Variants in SUSD5 observed in about 807,000 individuals in gnomAD.
The protein encoded by SUSD5 is sushi domain-containing protein 5.
In SUSD5, 33 loss-of-function variants were observed where a neutral mutation model predicts 29.5. The observed-to-expected ratio is 1.12, with a 90% confidence interval of 0.85 to 1.49. The LOEUF is 1.49. Among genes scored for constraint, SUSD5 ranks in the 40% most tolerant of loss-of-function variants. The pLI is 0.00. For synonymous variants in SUSD5, 308 were observed against 325.3 expected (o/e 0.95, Z 0.57); for missense variants, 776 against 800.6 (o/e 0.97, Z 0.37).
intron 2 of SUSD5, among the ~76,000 whole-genome samples, chr3:33,211,809 C>G (rs932485567): frequency 6.6e-6 from 1 of 152,112 alleles, no homozygotes; most frequent in African/African-American, 2.4e-5. Flanking sequence ...AAAATATTTT[C>G]CCAGACCAAT....
rs1017246328 is a variant in SUSD5 at position 33,214,164 on chromosome 3, A to T, written c.113-59T>A. The T allele has an allele frequency of 1.7e-5, 26 of 1,502,768 alleles. No individual in the cohort carries two copies. The African/African-American group carries it at 2.8e-4, about 16-fold the overall frequency. The allele number at this position is 1,502,768 out of a possible 1,614,324, so 93.1% of individuals were successfully genotyped here. The stretch of plus-strand genomic sequence containing the variant: ...TCAGGATCCATGGGAAGTTAGTCTC[A>T]GCAAACATCCTCTGGCAGACGCCAG... On this transcript the variant is annotated intron_variant, in intron 1 of 4. Transcript: ENST00000309558.
Position 33,153,321 on chromosome 3 carries a change from A to G in SUSD5, c.1311T>C (p.Leu437=), listed in dbSNP as rs749928010. The change falls in exon 5 of 5, where the codon CTT becomes CTC. Residue 437 remains leucine, a synonymous_variant. Transcript: ENST00000309558. ...PSEGMTHSSV[L]PSQMLDVEAL... ...CTTCCACATCTAGCATTTGAGATGG[A>G]AGAACTGAACTATGGGTCATGCCCT... The G allele has an allele frequency of 6.2e-7, 1 of 1,613,916 alleles. No homozygotes were observed. The highest frequency in any genetic ancestry group is 1.1e-5 in the South Asian group (1 of 91,070).
intron 1 of SUSD5, among the ~76,000 whole-genome samples, 156 bp downstream of exon 1, chr3:33,218,530 G>C (rs1225998483): frequency 6.6e-6 from 1 of 152,202 alleles, no homozygotes. Flanking sequence ...GGCCAGGAGA[G>C]GGATGCTGGG....
chr3:33,207,126 A>G (rs192332180), intron 3 of SUSD5, among the ~76,000 whole-genome samples: 3 of 152,254 alleles, frequency 2.0e-5, no homozygotes, highest in African/African-American at 7.2e-5. Context: ...CACTCAGCTG[A>G]TTTCCCAATA....
intron 3 of SUSD5, among the ~76,000 whole-genome samples, chr3:33,203,955 C>G (rs1486333586): frequency 6.6e-6 from 1 of 152,154 alleles, no homozygotes. Flanking sequence ...CACTCTGTTG[C>G]TCAGGCTGGA....
At chr3:33,159,091 G>A (rs6781998) in intron 4 of SUSD5, among the ~76,000 whole-genome samples, 48,346 of 152,042 alleles carry the variant, frequency 0.32, 9,001 homozygotes, top group East Asian at 0.5. Flanking sequence ...TGTTTGTGCT[G>A]AACTCAGTCA....
At chr3:33,200,515 T>TA (rs60764808) in intron 3 of SUSD5, among the ~76,000 whole-genome samples, 19,064 of 152,178 alleles carry the variant, frequency 0.13, 1,514 homozygotes, top group South Asian at 0.25. Context: ...CCTCCAGCCT[T>TA]AGTGTTTTGG....
chr3:33,174,062 C>G (rs2125620386), intron 4 of SUSD5, among the ~76,000 whole-genome samples: 1 of 152,278 alleles, frequency 6.6e-6, no homozygotes, highest in African/African-American at 2.4e-5. Context: ...GAAATCAGAT[C>G]AGGTTTGGGG....
chr3:33,204,627 A>ATTTTG lies in SUSD5; in HGVS notation c.409+3176_409+3180dup, dbSNP rs72112093. Among the ~76,000 whole-genome samples, 31,523 of 147,698 alleles carry ATTTTG rather than the reference A, an allele frequency of 0.21. 3,717 individuals are homozygous for ATTTTG. Among genetic ancestry groups the ATTTTG allele is most frequent in the East Asian group, 0.42 (2,077 of 4,916 alleles). On this transcript the variant is annotated intron_variant, in intron 3 of 4. Coordinates refer to ENST00000309558, the MANE Select transcript of SUSD5 (RefSeq NM_015551.2). The surrounding 1 kb of genome is among the most constrained non-coding windows in gnomAD (Gnocchi z 4.5). The stretch of plus-strand genomic sequence containing the variant: ...TGAGCCACCACACCCGGCCTGTTTT[A>ATTTTG]TTTTGTTTTGTTTTGTTTTGTTTTG...
chr3:33,159,823 C>T (rs998601315), intron 4 of SUSD5, among the ~76,000 whole-genome samples: 9 of 151,978 alleles, frequency 5.9e-5, no homozygotes, highest in Non-Finnish European at 1.2e-4. Context: ...AGCAACCTCA[C>T]GAAAAGGGAA....
chr3:33,213,905 A>G, intron 2 of SUSD5, 23 bp downstream of exon 2: 1 of 1,569,632 alleles, frequency 6.4e-7, no homozygotes, highest in Non-Finnish European at 8.7e-7. Context: ...GTGAGTTGGA[A>G]AAGGAGTGCT....
intron 3 of SUSD5, among the ~76,000 whole-genome samples, chr3:33,188,285 A>T (rs1237350785): frequency 6.6e-6 from 1 of 152,204 alleles, no homozygotes; most frequent in Non-Finnish European, 1.5e-5. Context: ...TTACTTTGCA[A>T]GACAAAAATG....
Position 33,153,358 on chromosome 3 carries a change from A to T in SUSD5, c.1274T>A (p.Leu425His). 2 of 1,613,836 alleles carry T rather than the reference A, an allele frequency of 1.2e-6. No individual in the cohort carries two copies. The highest frequency in any genetic ancestry group is 1.7e-6 in the Non-Finnish European group (2 of 1,179,824). Residue 425 changes from leucine (L) to histidine (H), a missense_variant, in exon 5 of 5, where the codon CTC becomes CAC. By Grantham distance (99) the Leu-to-His change is moderately conservative. Transcript: ENST00000309558. ...VEVKKPKSST[L>H]TPSEGMTHSS... ...ATGGGTCATGCCCTCGCTTGGTGTG[A>T]GGGTGCTACTCTTGGGCTTCTTAAC...
chr3:33,218,700 GA>G lies in SUSD5; in HGVS notation c.97del (p.Ser33ArgfsTer59). 1 of 1,311,904 alleles carries G rather than the reference GA, an allele frequency of 7.6e-7. No individual in the cohort carries two copies. The highest frequency in any genetic ancestry group is 2.1e-5 in the South Asian group (1 of 48,312). 81.3% of individuals were successfully genotyped at this position (1,311,904 alleles called of 1,614,324 possible). A position where few individuals can be genotyped will look rare whatever the true frequency, so the allele number is the denominator to read the frequency against. ...CGCACACTCACCATCCGCCCGCACC[GA>G]AAGGCGCGGCAGACCGAGCAGGAGC... ...ALLLLGLPRLSVRADGKFFVL... is the reference protein window; with the variant it reads ...ALLLLGLPRLXVRADGKFFVL... On this transcript the variant is annotated frameshift_variant, in exon 1 of 5. Coordinates refer to ENST00000309558, the MANE Select transcript of SUSD5 (RefSeq NM_015551.2). LOFTEE classifies it high-confidence loss of function.
chr3:33,205,003 G>A lies in SUSD5; in HGVS notation c.409+2805C>T, dbSNP rs553036200. On this transcript the variant is annotated intron_variant, in intron 3 of 4. Coordinates refer to ENST00000309558, the MANE Select transcript of SUSD5 (RefSeq NM_015551.2). ...CTCTCTCCACACCACACACACACACGTGTGTGTGTATACATATATATATGA... is the reference window on the plus strand; with the variant it reads ...CTCTCTCCACACCACACACACACACATGTGTGTGTATACATATATATATGA... 1.1e-4 allele frequency among the ~76,000 whole-genome samples: 17 copies of A among 151,536 alleles called. No homozygotes were observed. The East Asian group carries it at 2.7e-3, about 24-fold the overall frequency.
chr3:33,201,114 T>A (rs2032108709), intron 3 of SUSD5, among the ~76,000 whole-genome samples: 1 of 152,224 alleles, frequency 6.6e-6, no homozygotes, highest in South Asian at 2.1e-4. Flanking sequence ...AACAGACTGC[T>A]ACTAAGTGAC....
intron 3 of SUSD5, among the ~76,000 whole-genome samples, chr3:33,178,638 G>A (rs930474271): frequency 1.3e-5 from 2 of 152,126 alleles, no homozygotes; most frequent in African/African-American, 4.8e-5. Context: ...AGTAGAGACA[G>A]GGTTTCACCG....
At chr3:33,210,283 C>A (rs532094745) in intron 2 of SUSD5, among the ~76,000 whole-genome samples, 1 of 152,136 alleles carries the variant, frequency 6.6e-6, no homozygotes, top group Non-Finnish European at 1.5e-5. Context: ...GGAGGGCCTG[C>A]GAACAGTTCA....
At chr3:33,195,723 T>C (rs1466931909) in intron 3 of SUSD5, among the ~76,000 whole-genome samples, 6 of 144,492 alleles carry the variant, frequency 4.2e-5, no homozygotes, top group Admixed American at 1.4e-4. Flanking sequence ...TGGGGAGATA[T>C]AGATCTATAG....
Sources: gnomAD v4.1 joint callset for allele counts (sites outside exome capture counted in the v4.1 genomes callset) on GRCh38, gnomAD v4.1.1 for gene constraint, Gnocchi (gnomAD v3.1) non-coding constraint, MANE v1.5 for transcripts, NCBI Gene and HGNC (gene_info 2026-07-23, HGNC 2026-07-21) for gene names.